SSC4D: variants seen among roughly 807,000 people sequenced by gnomAD.
The protein encoded by SSC4D is scavenger receptor cysteine rich family member with 4 domains.
In SSC4D, 57 loss-of-function variants were observed where a neutral mutation model predicts 63.4. The ratio of observed to expected loss-of-function variants is 0.90; its 90% CI spans 0.73 to 1.12. SSC4D has a LOEUF of 1.12. Among genes scored for constraint, SSC4D ranks in the 50% most tolerant of loss-of-function variants. The pLI is 0.00. For synonymous variants in SSC4D, 352 were observed against 345.4 expected (o/e 1.02, Z -0.21); for missense variants, 791 against 806.4 (o/e 0.98, Z 0.23).
Position 76,393,735 on chromosome 7 carries a change from C to T in SSC4D, c.1022-19G>A. 2.8e-6 allele frequency: 4 copies of T among 1,415,180 alleles called. No homozygotes were observed. Among genetic ancestry groups the T allele is most frequent in the Non-Finnish European group, 3.7e-6 (4 of 1,089,468 alleles). The allele number at this position is 1,415,180 out of a possible 1,614,324, so 87.7% of individuals were successfully genotyped here. On this transcript the variant is annotated intron_variant, in intron 8 of 10. Transcript: ENST00000275560. The stretch of plus-strand genomic sequence containing the variant: ...CGTCCACCTGCGGGGCGCACAGGCC[C>T]GCGGCCAGAGGGGCTGGGCTGGGGC...
chr7:76,393,338 C>T (rs1291732617), intron 9 of SSC4D, 67 bp downstream of exon 9: 27 of 1,284,256 alleles, frequency 2.1e-5, no homozygotes, highest in Admixed American at 8.4e-5. Flanking sequence ...CGCGTGGCGC[C>T]GCCCCGCCCC....
At chr7:76,401,453 G>A (rs930607445) in intron 2 of SSC4D, among the ~76,000 whole-genome samples, 20 of 151,894 alleles carry the variant, frequency 1.3e-4, no homozygotes, top group Admixed American at 1.1e-3. Flanking sequence ...TCTCACTCTT[G>A]TCACCCAGGC....
At chr7:76,405,342 T>TC (rs1254961705) in intron 1 of SSC4D, among the ~76,000 whole-genome samples, 202 of 85,756 alleles carry the variant, frequency 2.4e-3, no homozygotes, top group African/African-American at 4.3e-3. Context: ...TTTCTTTCTT[T>TC]TTTTTTTTTT....
intron 1 of SSC4D, among the ~76,000 whole-genome samples, chr7:76,405,313 A>C (rs111340599): frequency 7.3e-4 from 25 of 34,362 alleles, no homozygotes; most frequent in African/African-American, 1.6e-3. Context: ...ATATATATAT[A>C]TATGTATTTT....
At chr7:76,401,073 C>T in intron 2 of SSC4D, 30 bp from the exon 3 acceptor site, 2 of 1,526,122 alleles carry the variant, frequency 1.3e-6, no homozygotes, top group Non-Finnish European at 8.8e-7. Flanking sequence ...AGCATTGGCC[C>T]CTCTGCCCAC....
intron 5 of SSC4D, among the ~76,000 whole-genome samples, chr7:76,398,397 C>T (rs1334219026): frequency 2.6e-5 from 4 of 151,510 alleles, no homozygotes; most frequent in African/African-American, 7.3e-5. Flanking sequence ...CTCTGCCTCC[C>T]GGGTTCAAGT....
rs748821832 is a variant in SSC4D, at chr7:76,397,656, A to G, written c.730T>C (p.Phe244Leu). The change falls in exon 6 of 11, where the codon TTC becomes CTC. Residue 244 changes from phenylalanine (F) to leucine (L), a missense_variant. Physicochemically the swap from Phe to Leu is conservative, Grantham distance 22 (BLOSUM62 0). Coordinates refer to ENST00000275560, the MANE Select transcript of SSC4D (RefSeq NM_080744.2). ...AAMAATTNAF[F>L]GYGTGHILLD... ...AGGATGTGTCCGGTGCCATAGCCGA[A>G]GAAGGCGTTGGTGGTGGCGGCCATG... 6.8e-6 allele frequency: 11 copies of G among 1,613,798 alleles called. No homozygotes were observed. The South Asian group carries it at 1.1e-4, about 16-fold the overall frequency.
rs997651098 is a variant in SSC4D at position 76,393,299 on chromosome 7, C to A, written c.1333+106G>T. ...CCCTCTGCGGAGTGCGCATGCTCCC[C>A]GGGCGGCAGTGCCGCAAGAGAGGCC... On this transcript the variant is annotated intron_variant, in intron 9 of 10. Coordinates refer to ENST00000275560, the MANE Select transcript of SSC4D (RefSeq NM_080744.2). The A allele has an allele frequency of 3.4e-6, 4 of 1,177,326 alleles. No homozygotes were observed. The African/African-American group carries it at 6.4e-5, about 19-fold the overall frequency. The allele number at this position is 1,177,326 out of a possible 1,614,324, so 72.9% of individuals were successfully genotyped here.
At chr7:76,393,975 G>A in intron 7 of SSC4D, 71 bp from the exon 8 acceptor site, 1 of 1,481,062 alleles carries the variant, frequency 6.8e-7, no homozygotes, top group South Asian at 1.2e-5. Flanking sequence ...AGGGCACGGG[G>A]ACGCCTACCA....
At chr7:76,405,980 T>C (rs1805013894) in intron 1 of SSC4D, among the ~76,000 whole-genome samples, 1 of 149,082 alleles carries the variant, frequency 6.7e-6, no homozygotes, top group South Asian at 2.1e-4. Context: ...TTTCCTTTCC[T>C]TTCTTTTCTT....
At chr7:76,394,007 C>A in intron 7 of SSC4D, 103 bp from the exon 8 acceptor site, 2 of 1,177,488 alleles carry the variant, frequency 1.7e-6, no homozygotes, top group South Asian at 3.0e-5. Flanking sequence ...CCTACCACAC[C>A]CGTACCCCCA....
rs1454656313 is a variant in SSC4D at position 76,390,233 on chromosome 7, C to T, written c.1554G>A (p.Gln518=). The change falls in exon 11 of 11, where the codon CAG becomes CAA. Residue 518 remains glutamine (Q), a synonymous_variant. Coordinates refer to ENST00000275560, the MANE Select transcript of SSC4D (RefSeq NM_080744.2). ...GVLCRQLGCG[Q]ALAAPGEAHF... ...GAGCCTCGCCAGGGGCTGCGAGGGC[C>T]TGGCCACAGCCCAGCTGGCGGCACA... 4 of 1,614,116 alleles carry T rather than the reference C, an allele frequency of 2.5e-6. No individual in the cohort carries two copies. Among genetic ancestry groups the T allele is most frequent in the Non-Finnish European group, 3.4e-6 (4 of 1,180,004 alleles).
At chr7:76,403,518 A>G (rs1329022846) in intron 2 of SSC4D, among the ~76,000 whole-genome samples, 2 of 151,176 alleles carry the variant, frequency 1.3e-5, no homozygotes, top group South Asian at 4.2e-4. Flanking sequence ...TTGTATTTTT[A>G]GTAGAGACGG....
intron 5 of SSC4D, 150 bp from the exon 6 acceptor site, chr7:76,397,982 G>A (rs1053501568): frequency 3.7e-6 from 3 of 818,820 alleles, no homozygotes; most frequent in African/African-American, 3.5e-5. Flanking sequence ...TCCAGACTGG[G>A]GGTAGCTTGT....
At chr7:76,394,580 T>C (rs1046556153) in intron 7 of SSC4D, among the ~76,000 whole-genome samples, 2 of 150,288 alleles carry the variant, frequency 1.3e-5, no homozygotes, top group African/African-American at 4.9e-5. Flanking sequence ...TGTATTTTTA[T>C]TTATTTATTT....
At chr7:76,405,983 CTTTT>C (rs71690243) in intron 1 of SSC4D, among the ~76,000 whole-genome samples, 4,200 of 149,224 alleles carry the variant, frequency 0.028, 124 homozygotes, top group East Asian at 0.14. Flanking sequence ...CCTTTCCTTT[CTTTT>C]CTTTTCTTTT....
At chr7:76,409,162 A>G (rs181869970) in intron 1 of SSC4D, among the ~76,000 whole-genome samples, 15 of 152,252 alleles carry the variant, frequency 9.9e-5, no homozygotes. Flanking sequence ...CCCTTGGCAC[A>G]GGGTGGATAC....
Position 76,404,368 on chromosome 7 carries a change from A to G in SSC4D, c.72T>C (p.Asp24=), listed in dbSNP as rs1042700302. 1 of 1,613,752 alleles carries G rather than the reference A, an allele frequency of 6.2e-7. No homozygotes were observed. Among genetic ancestry groups the G allele is most frequent in the Non-Finnish European group, 8.5e-7 (1 of 1,179,906 alleles). The change falls in exon 2 of 11, where the codon GAT becomes GAC. Residue 24 remains aspartate, a synonymous_variant. Transcript: ENST00000275560. The part of the protein sequence containing the change: ...DEKRWGWRLG[D]GSAAPPFLPQ... Reference sequence around the variant, plus strand: ...GGAGGAAGGGAGGGGCAGCACTCCCATCTCCCAACCTCCACCCCCAGCGCT... The same window carrying G: ...GGAGGAAGGGAGGGGCAGCACTCCCGTCTCCCAACCTCCACCCCCAGCGCT...
chr7:76,392,688 A>C (rs1804518384), intron 9 of SSC4D, among the ~76,000 whole-genome samples: 1 of 151,922 alleles, frequency 6.6e-6, no homozygotes, highest in Non-Finnish European at 1.5e-5. Context: ...GCTACTCTGG[A>C]GGTTGAGCGG....
Sources: gnomAD v4.1 joint callset for allele counts (sites outside exome capture counted in the v4.1 genomes callset) on GRCh38, gnomAD v4.1.1 for gene constraint, MANE v1.5 for transcripts, NCBI Gene and HGNC (gene_info 2026-07-23, HGNC 2026-07-21) for gene names.